Variants in SIAH3 observed in about 807,000 individuals in gnomAD.
SIAH3 encodes the protein seven in absentia homolog 3.
In SIAH3, 9 loss-of-function variants were observed where a neutral mutation model predicts 12.6. The ratio of observed to expected loss-of-function variants is 0.72; its 90% CI spans 0.43 to 1.25. SIAH3 has a LOEUF of 1.25. SIAH3 is among the 50% of genes most tolerant of loss of function. The probability of loss-of-function intolerance (pLI) is 0.00; values close to 1 mark genes in which losing one functional copy is unlikely to be tolerated. For synonymous variants in SIAH3, 154 were observed against 151.1 expected (o/e 1.02, Z -0.14); for missense variants, 390 against 365.4 (o/e 1.07, Z -0.55).
intron 1 of SIAH3, among the ~76,000 whole-genome samples, chr13:45,809,081 G>A (rs1477406093): frequency 1.3e-5 from 2 of 152,216 alleles, no homozygotes; most frequent in Non-Finnish European, 2.9e-5. Context: ...CATAAAAGAA[G>A]TTGATGTGGG....
chr13:45,850,470 C>T (rs1950776350), intron 1 of SIAH3, among the ~76,000 whole-genome samples: 1 of 152,182 alleles, frequency 6.6e-6, no homozygotes, highest in South Asian at 2.1e-4. Flanking sequence ...GTCCTGCCTG[C>T]CTTACACAGG....
At chr13:45,832,196 A>T (rs1950701788) in intron 1 of SIAH3, among the ~76,000 whole-genome samples, 1 of 152,282 alleles carries the variant, frequency 6.6e-6, no homozygotes, top group African/African-American at 2.4e-5. Context: ...GTGGTAAAAC[A>T]TATCTAAAAT....
intron 1 of SIAH3, among the ~76,000 whole-genome samples, chr13:45,836,297 G>T (rs1173394065): frequency 6.6e-6 from 1 of 152,148 alleles, no homozygotes; most frequent in African/African-American, 2.4e-5. Context: ...GCAAAGACAT[G>T]GAATCAATCT....
intron 1 of SIAH3, 80 bp from the exon 2 acceptor site, chr13:45,784,137 T>TA (rs1412722640): frequency 7.6e-7 from 1 of 1,315,578 alleles, no homozygotes; most frequent in Admixed American, 2.3e-5. Context: ...TTCAAAGTGT[T>TA]AAAAAGCAGA....
chr13:45,798,728 C>A (rs77017067), intron 1 of SIAH3, among the ~76,000 whole-genome samples: 1 of 152,168 alleles, frequency 6.6e-6, no homozygotes, highest in Non-Finnish European at 1.5e-5. Context: ...CAGTCACTTC[C>A]GGCAGATCCC....
chr13:45,827,951 A>G (rs1017771089), intron 1 of SIAH3, among the ~76,000 whole-genome samples: 4 of 152,216 alleles, frequency 2.6e-5, no homozygotes, highest in Non-Finnish European at 4.4e-5. Flanking sequence ...TTAATGCACT[A>G]CTGTCACTGC....
chr13:45,839,927 T>C (rs1296894296), intron 1 of SIAH3, among the ~76,000 whole-genome samples: 1 of 152,106 alleles, frequency 6.6e-6, no homozygotes, highest in Non-Finnish European at 1.5e-5. Flanking sequence ...ACCAATTCTA[T>C]GATCAGGAAG....
chr13:45,840,722 C>T (rs1950737015), intron 1 of SIAH3, among the ~76,000 whole-genome samples: 1 of 152,174 alleles, frequency 6.6e-6, no homozygotes, highest in Admixed American at 6.5e-5. Context: ...AGACAGGGTC[C>T]CAGCTCAGCG....
intron 1 of SIAH3, among the ~76,000 whole-genome samples, chr13:45,808,618 A>G (rs1338375938): frequency 6.6e-6 from 1 of 152,230 alleles, no homozygotes. Context: ...AAAATAAAGA[A>G]TATTGTATAT....
intron 1 of SIAH3, among the ~76,000 whole-genome samples, chr13:45,817,961 T>C (rs1344667996): frequency 6.6e-6 from 1 of 152,154 alleles, no homozygotes; most frequent in East Asian, 1.9e-4. Flanking sequence ...GAAGGTACAG[T>C]AGAGGCCCAG....
At chr13:45,805,903 T>C (rs2137560856) in intron 1 of SIAH3, among the ~76,000 whole-genome samples, 1 of 152,174 alleles carries the variant, frequency 6.6e-6, no homozygotes, top group South Asian at 2.1e-4. Flanking sequence ...CCATTAAAAA[T>C]GGGCAAAGGA....
At chr13:45,786,025 C>T (rs1189327389) in intron 1 of SIAH3, among the ~76,000 whole-genome samples, 2 of 152,208 alleles carry the variant, frequency 1.3e-5, no homozygotes, top group South Asian at 2.1e-4. Context: ...TAATTTTTCA[C>T]AGAAAAGATC....
At position 45,782,167 on chromosome 13, in the gene SIAH3, A is replaced by T. The variant is rs1413381296; in HGVS notation, c.*1216T>A. On this transcript the variant is annotated 3_prime_UTR_variant, in exon 2 of 2. Transcript: ENST00000400405. Reference sequence around the variant, plus strand: ...AAGATGTTGATGAATTGTTCTGACAACCAAATAAGAGAAAGCAGCCTGCGC... The same window carrying T: ...AAGATGTTGATGAATTGTTCTGACATCCAAATAAGAGAAAGCAGCCTGCGC... The T allele has an allele frequency of 6.6e-6, 1 of 152,224 alleles. No individual in the cohort carries two copies. The highest frequency in any genetic ancestry group is 1.5e-5 in the Non-Finnish European group (1 of 68,046). The allele number at this position is 152,224 out of a possible 1,614,324, so 9.4% of individuals were successfully genotyped here.
chr13:45,826,678 T>C (rs1950678895), intron 1 of SIAH3, among the ~76,000 whole-genome samples: 1 of 152,174 alleles, frequency 6.6e-6, no homozygotes, highest in Admixed American at 6.5e-5. Flanking sequence ...AACATATTTC[T>C]TCAAGTTAAA....
chr13:45,823,138 A>C (rs916593619), intron 1 of SIAH3, among the ~76,000 whole-genome samples: 5 of 152,196 alleles, frequency 3.3e-5, no homozygotes, highest in Admixed American at 2.0e-4. Flanking sequence ...GAATAATAAA[A>C]GAATTACAAC....
intron 1 of SIAH3, among the ~76,000 whole-genome samples, chr13:45,787,967 T>C (rs993575586): frequency 1.1e-4 from 16 of 152,196 alleles, no homozygotes; most frequent in African/African-American, 3.9e-4. Context: ...CCTTGTGGCT[T>C]CATCTTCCAC....
At chr13:45,825,147 G>A (rs1451328748) in intron 1 of SIAH3, among the ~76,000 whole-genome samples, 1 of 152,096 alleles carries the variant, frequency 6.6e-6, no homozygotes, top group Non-Finnish European at 1.5e-5. Context: ...AAATATAATT[G>A]CACCTCACAC....
chr13:45,783,369 C>G lies in SIAH3; in HGVS notation c.*14G>C, dbSNP rs765630429. 1 of 1,596,702 alleles carries G rather than the reference C, an allele frequency of 6.3e-7. No homozygotes were observed. Among genetic ancestry groups the G allele is most frequent in the South Asian group, 1.1e-5 (1 of 89,216 alleles). On this transcript the variant is annotated 3_prime_UTR_variant, in exon 2 of 2. Transcript: ENST00000400405. ...CTAGGGAGGCTGTGTGGGGAGCATC[C>G]GTGGCTCCTGGCCTCACATTTCAGC...
At chr13:45,837,350 T>C (rs910164940) in intron 1 of SIAH3, among the ~76,000 whole-genome samples, 7 of 152,160 alleles carry the variant, frequency 4.6e-5, no homozygotes, top group Admixed American at 2.0e-4. Context: ...TTTCAAACTC[T>C]TTCTCATTCC....
Sources: allele counts gnomAD v4.1 joint callset (sites outside exome capture counted in the v4.1 genomes callset), GRCh38; gene constraint gnomAD v4.1.1; transcripts MANE v1.5; gene names NCBI Gene and HGNC (gene_info 2026-07-23, HGNC 2026-07-21).